Variants in FHDC1 observed in about 807,000 individuals in gnomAD.
The protein encoded by FHDC1 is FH2 domain-containing protein 1.
FHDC1 carries 25 observed loss-of-function variants against 52.6 expected under a neutral mutation model. The ratio of observed to expected loss-of-function variants is 0.48; its 90% CI spans 0.35 to 0.66. The LOEUF is 0.66. FHDC1 is among the 30% of genes least tolerant of loss of function. The pLI, the probability that FHDC1 is intolerant of heterozygous loss-of-function variation, is 0.01. For missense variants in FHDC1, 1,459 were observed against 1,452.8 expected (o/e 1.00, Z -0.07); for synonymous variants, 616 against 581.5 (o/e 1.06, Z -0.85).
intron 2 of FHDC1, among the ~76,000 whole-genome samples, chr4:152,948,703 AC>A (rs1437057825): frequency 6.6e-6 from 1 of 152,048 alleles, no homozygotes; most frequent in Non-Finnish European, 1.5e-5. Flanking sequence ...TGATTTGCCC[AC>A]CTCAGCCTCC....
the FHDC1 span, chr4:152,916,873 G>A: frequency 3.9e-5 from 6 of 152,324 alleles, no homozygotes; most frequent in Non-Finnish European, 8.8e-5. Context: ...AGGAAAACAT[G>A]CATTCACTAA....
the FHDC1 span, among the ~76,000 whole-genome samples, chr4:152,917,975 A>C: frequency 6.6e-6 from 1 of 152,224 alleles, no homozygotes; most frequent in Non-Finnish European, 1.5e-5. Context: ...TAATGACAAA[A>C]TTTTGTGTGT....
Position 152,975,071 on chromosome 4 carries a change from C to A in FHDC1, c.1780C>A (p.Gln594Lys). The A allele has an allele frequency of 6.2e-7, 1 of 1,612,446 alleles. No homozygotes were observed. Among genetic ancestry groups the A allele is most frequent in the Non-Finnish European group, 8.5e-7 (1 of 1,179,696 alleles). Residue 594 changes from glutamine to lysine, a missense_variant, in exon 12 of 12, where the codon CAG (glutamine) becomes AAG (lysine). By Grantham distance (53) the Gln-to-Lys change is moderately conservative. Around this residue, in one of 3 missense-constraint regions of FHDC1, gnomAD observed 939 missense variants for 854.5 expected, o/e 1.10. Transcript: ENST00000511601. Reference sequence around the variant, plus strand: ...CCTGGAGCCTGCAGAAGTGAGGCACCAGGACTCCAGCTTTGCACACAAACC... The same window carrying A: ...CCTGGAGCCTGCAGAAGTGAGGCACAAGGACTCCAGCTTTGCACACAAACC... ...ACLEPAEVRH[Q>K]DSSFAHKPQA... is the part of the protein sequence containing the mutation.
the FHDC1 span, among the ~76,000 whole-genome samples, chr4:152,915,016 T>C: frequency 6.6e-6 from 1 of 152,138 alleles, no homozygotes; most frequent in Non-Finnish European, 1.5e-5. Flanking sequence ...GTACTCAAGA[T>C]AAATTATTTA....
At chr4:152,936,834 G>A (rs1029461907) in intron 1 of FHDC1, among the ~76,000 whole-genome samples, 1 of 152,262 alleles carries the variant, frequency 6.6e-6, no homozygotes, top group Admixed American at 6.5e-5. Flanking sequence ...AGACAGCGGC[G>A]TCCCGCACGG....
At chr4:152,922,313 G>T in the FHDC1 span, among the ~76,000 whole-genome samples, 1 of 152,200 alleles carries the variant, frequency 6.6e-6, no homozygotes, top group African/African-American at 2.4e-5. Flanking sequence ...CCAGGAAGAA[G>T]TTGAATCTCT....
chr4:152,957,733 G>A (rs1024207073), intron 4 of FHDC1, among the ~76,000 whole-genome samples: 1 of 152,170 alleles, frequency 6.6e-6, no homozygotes, highest in Non-Finnish European at 1.5e-5. Context: ...CAGCTGACAA[G>A]CCGACCAAAG....
the FHDC1 span, chr4:152,911,413 GA>G: frequency 6.6e-6 from 1 of 152,356 alleles, no homozygotes; most frequent in Non-Finnish European, 1.5e-5. Flanking sequence ...GTGGTACCAG[GA>G]AGAAAGAGGA....
chr4:152,922,985 A>G, the FHDC1 span, among the ~76,000 whole-genome samples: 5 of 152,104 alleles, frequency 3.3e-5, no homozygotes, highest in African/African-American at 1.2e-4. Context: ...CCTATTCAAC[A>G]TAGTGTTGGA....
intron 2 of FHDC1, among the ~76,000 whole-genome samples, chr4:152,948,332 C>T (rs138752439): frequency 1.5e-4 from 23 of 152,110 alleles, no homozygotes; most frequent in African/African-American, 4.6e-4. Context: ...ATAAGCCAGT[C>T]GCAAAGGACA....
chr4:152,923,773 A>G, the FHDC1 span, among the ~76,000 whole-genome samples: 1 of 152,034 alleles, frequency 6.6e-6, no homozygotes, highest in Non-Finnish European at 1.5e-5. Context: ...TCCCTATGTA[A>G]TAAATGGTGC....
chr4:152,912,042 A>G, the FHDC1 span: 1 of 152,156 alleles, frequency 6.6e-6, no homozygotes, highest in Non-Finnish European at 1.5e-5. Flanking sequence ...TCAGTAAGCT[A>G]TTTTTTTTCA....
intron 4 of FHDC1, among the ~76,000 whole-genome samples, chr4:152,956,705 C>G (rs956926152): frequency 1.1e-4 from 16 of 152,178 alleles, no homozygotes; most frequent in African/African-American, 3.9e-4. Flanking sequence ...GAAGTGCCTT[C>G]CCAGCCACTG....
chr4:152,976,359 C>G lies in FHDC1; in HGVS notation c.3068C>G (p.Pro1023Arg), dbSNP rs1411294122. The G allele has an allele frequency of 8.7e-6, 14 of 1,613,692 alleles. No individual in the cohort carries two copies. Among genetic ancestry groups the G allele is most frequent in the Non-Finnish European group, 1.2e-5 (14 of 1,180,022 alleles). Residue 1023 changes from proline (P) to arginine (R), a missense_variant, in exon 12 of 12, where the codon CCC becomes CGC. Around this residue, in one of 3 missense-constraint regions of FHDC1, gnomAD observed 939 missense variants for 854.5 expected, o/e 1.10. Transcript: ENST00000511601. ...PKEEPKTPSV[P>R]SVPHELPRVP... ...GAAGAGCCCAAGACCCCGTCAGTGCCCAGCGTCCCCCACGAACTACCCCGT... is the reference window on the plus strand; with the variant it reads ...GAAGAGCCCAAGACCCCGTCAGTGCGCAGCGTCCCCCACGAACTACCCCGT...
At chr4:152,939,210 G>T (rs142807861) in intron 1 of FHDC1, among the ~76,000 whole-genome samples, 1,531 of 152,246 alleles carry the variant, frequency 0.01, 22 homozygotes, top group African/African-American at 0.034. Flanking sequence ...CTCCCAAGTA[G>T]CTGGGACTAC....
At chr4:152,972,254 T>G in intron 10 of FHDC1, 123 bp from the exon 11 acceptor site, 1 of 1,003,998 alleles carries the variant, frequency 1.0e-6, no homozygotes, top group Non-Finnish European at 1.4e-6. Flanking sequence ...GCAATAAACC[T>G]TCCTTTTCCA....
At chr4:152,913,592 T>C in the FHDC1 span, among the ~76,000 whole-genome samples, 1 of 152,246 alleles carries the variant, frequency 6.6e-6, no homozygotes, top group African/African-American at 2.4e-5. Context: ...GTCCTAAATA[T>C]CCTTTGCCAG....
At chr4:152,925,491 GAGAA>G in the FHDC1 span, among the ~76,000 whole-genome samples, 4 of 152,118 alleles carry the variant, frequency 2.6e-5, no homozygotes, top group African/African-American at 4.8e-5. Context: ...AAGGTACAGA[GAGAA>G]AGAGTCTGAT....
chr4:152,955,009 C>G (rs1270813927), intron 4 of FHDC1, among the ~76,000 whole-genome samples: 1 of 152,008 alleles, frequency 6.6e-6, no homozygotes, highest in Non-Finnish European at 1.5e-5. Context: ...TCAATAAATT[C>G]TCATCATCCA....
Sources: allele counts gnomAD v4.1 joint callset (sites outside exome capture counted in the v4.1 genomes callset), GRCh38; gene constraint gnomAD v4.1.1; regional missense constraint gnomAD v4.1.1; transcripts MANE v1.5; gene names NCBI Gene and HGNC (gene_info 2026-07-23, HGNC 2026-07-21).